KIF26B: variants seen among roughly 807,000 people sequenced by gnomAD.
KIF26B encodes the protein kinesin-like protein KIF26B.
KIF26B carries 63 observed loss-of-function variants against 151.2 expected under a neutral mutation model. The ratio of observed to expected loss-of-function variants is 0.42; its 90% confidence interval spans 0.34 to 0.51. KIF26B has a LOEUF of 0.51. Ranked by LOEUF, KIF26B falls within the 20% of genes least tolerant of loss-of-function variation. KIF26B has a pLI of 0.07. For missense variants in KIF26B, 2,813 were observed against 2,913.6 expected (o/e 0.97, Z 0.79); for synonymous variants, 1,357 against 1,262.1 (o/e 1.08, Z -1.59).
At chr1:245,232,049 G>C (rs1670009762) in intron 2 of KIF26B, among the ~76,000 whole-genome samples, 1 of 152,220 alleles carries the variant, frequency 6.6e-6, no homozygotes, top group Non-Finnish European at 1.5e-5. Context: ...TTGAACAAAA[G>C]ATGCAAAACT....
intron 3 of KIF26B, among the ~76,000 whole-genome samples, chr1:245,405,023 A>G (rs1674100653): frequency 6.6e-6 from 1 of 152,248 alleles, no homozygotes; most frequent in South Asian, 2.1e-4. Flanking sequence ...GAAAATGAAA[A>G]CACACACATG....
chr1:245,382,795 C>T (rs996378833), intron 3 of KIF26B, among the ~76,000 whole-genome samples: 3 of 151,658 alleles, frequency 2.0e-5, no homozygotes, highest in South Asian at 2.1e-4. Context: ...CTTGAACTCC[C>T]GACCTCAGGT....
chr1:245,174,381 C>T (rs532217635), intron 2 of KIF26B, among the ~76,000 whole-genome samples: 22 of 151,720 alleles, frequency 1.5e-4, no homozygotes, highest in African/African-American at 4.6e-4. Flanking sequence ...CTCTTAAATT[C>T]ACTTAATAGA....
At chr1:245,275,763 T>G (rs548801371) in intron 2 of KIF26B, among the ~76,000 whole-genome samples, 2 of 152,206 alleles carry the variant, frequency 1.3e-5, no homozygotes, top group Admixed American at 1.3e-4. Context: ...TACTTTTATA[T>G]GCTTTCATTT....
rs1178978587 is a variant in KIF26B, at chr1:245,705,223, A to G, written c.*2617A>G. The G allele has an allele frequency of 3.9e-5, 6 of 152,228 alleles. No individual in the cohort carries two copies. 9.4% of individuals were successfully genotyped at this position (152,228 alleles called of 1,614,324 possible). A position where few individuals can be genotyped will look rare whatever the true frequency, so the allele number is the denominator to read the frequency against. Reference sequence around the variant, plus strand: ...AACACCTCGCAGGATCTCGCAGGCCACGGTGAAGGAGAATGCTTTATGTTG... The same window carrying G: ...AACACCTCGCAGGATCTCGCAGGCCGCGGTGAAGGAGAATGCTTTATGTTG... On this transcript the variant is annotated 3_prime_UTR_variant, in exon 15 of 15. Coordinates refer to ENST00000407071, the MANE Select transcript of KIF26B (RefSeq NM_018012.4).
intron 3 of KIF26B, among the ~76,000 whole-genome samples, chr1:245,381,284 G>T (rs1673401910): frequency 6.6e-6 from 1 of 152,176 alleles, no homozygotes; most frequent in South Asian, 2.1e-4. Flanking sequence ...CTGCTTAGTA[G>T]CTGAGGAATG....
At chr1:245,216,786 A>C (rs770318503) in intron 2 of KIF26B, among the ~76,000 whole-genome samples, 4 of 152,206 alleles carry the variant, frequency 2.6e-5, no homozygotes, top group Non-Finnish European at 5.9e-5. Context: ...TCTGGGCTAA[A>C]TCAGTGTGTT....
chr1:245,282,681 T>C (rs1363276077), intron 2 of KIF26B: 1 of 159,580 alleles, frequency 6.3e-6, no homozygotes, highest in Non-Finnish European at 1.4e-5. Flanking sequence ...AGCCTCTGTA[T>C]ACCTAGCTGG....
At chr1:245,215,344 G>T (rs56335152) in intron 2 of KIF26B, among the ~76,000 whole-genome samples, 9,415 of 152,182 alleles carry the variant, frequency 0.062, 364 homozygotes, top group Middle Eastern at 0.15. Context: ...GCTATTGGGA[G>T]GGTGTTTTCC....
intron 2 of KIF26B, among the ~76,000 whole-genome samples, chr1:245,328,896 C>G (rs1672045969): frequency 1.3e-5 from 2 of 152,188 alleles, no homozygotes; most frequent in African/African-American, 4.8e-5. Flanking sequence ...GACCGTGTCT[C>G]TGTTGCGGTT....
At chr1:245,467,320 A>T (rs1324629015) in intron 4 of KIF26B, among the ~76,000 whole-genome samples, 2 of 152,184 alleles carry the variant, frequency 1.3e-5, no homozygotes, top group Non-Finnish European at 2.9e-5. Flanking sequence ...TCCCATTCAG[A>T]TGCTTCTTCA....
chr1:245,628,301 G>GC (rs2043745631), intron 9 of KIF26B, among the ~76,000 whole-genome samples: 1 of 152,144 alleles, frequency 6.6e-6, no homozygotes, highest in African/African-American at 2.4e-5. Flanking sequence ...TGCCAACATG[G>GC]CAAAACCCTG....
Position 245,457,183 on chromosome 1 carries a change from TGAGAGAA to T in KIF26B, c.1166+37439_1166+37445del, listed in dbSNP as rs544561652. Among the ~76,000 whole-genome samples, 88 of 152,306 alleles carry T rather than the reference TGAGAGAA, an allele frequency of 5.8e-4. 1 individual carries two copies. In the East Asian group the frequency reaches 7.5e-3, roughly 13 times the overall value. On this transcript the variant is annotated intron_variant, in intron 4 of 14. Coordinates refer to ENST00000407071, the MANE Select transcript of KIF26B (RefSeq NM_018012.4). ...ACCCAGCCCATAAATGCTTTTTTAA[TGAGAGAA>T]TGACCTATTATCTAAACATAATTGA...
At chr1:245,399,117 A>C (rs1673932007) in intron 3 of KIF26B, among the ~76,000 whole-genome samples, 1 of 152,128 alleles carries the variant, frequency 6.6e-6, no homozygotes, top group African/African-American at 2.4e-5. Context: ...GTCTCCCTCC[A>C]GTGAGGGGTC....
At chr1:245,608,684 T>C (rs2043483503) in intron 7 of KIF26B, among the ~76,000 whole-genome samples, 1 of 152,182 alleles carries the variant, frequency 6.6e-6, no homozygotes, top group African/African-American at 2.4e-5. Context: ...AGGAACTGGA[T>C]AGCATGTGAT....
intron 10 of KIF26B, among the ~76,000 whole-genome samples, chr1:245,652,812 C>T (rs1398890218): frequency 2.6e-5 from 4 of 152,160 alleles, no homozygotes; most frequent in African/African-American, 9.7e-5. Context: ...CAGGCCCCAG[C>T]TCTGTCATCA....
chr1:245,160,343 G>T (rs950793695), intron 2 of KIF26B, among the ~76,000 whole-genome samples: 2 of 152,156 alleles, frequency 1.3e-5, no homozygotes, highest in South Asian at 2.1e-4. Context: ...AGTGAGAATG[G>T]CCCTTTTACC....
intron 4 of KIF26B, among the ~76,000 whole-genome samples, chr1:245,502,026 C>T (rs961332880): frequency 1.4e-4 from 22 of 152,274 alleles, no homozygotes; most frequent in African/African-American, 5.3e-4. Flanking sequence ...GAGCAAACAC[C>T]AGACCTGTAG....
chr1:245,629,419 A>G (rs1173965337), intron 9 of KIF26B, among the ~76,000 whole-genome samples: 1 of 152,214 alleles, frequency 6.6e-6, no homozygotes, highest in African/African-American at 2.4e-5. Flanking sequence ...ATGGAACAGA[A>G]CAGAGACCTC....
Sources: allele counts gnomAD v4.1 joint callset (sites outside exome capture counted in the v4.1 genomes callset), GRCh38; gene constraint gnomAD v4.1.1; transcripts MANE v1.5; gene names NCBI Gene and HGNC (gene_info 2026-07-23, HGNC 2026-07-21).